The following ZIC4 variants were observed in gnomAD, a reference collection of about 807,000 sequenced individuals.
The protein encoded by ZIC4 is Zic family zinc finger 4.
Under a neutral mutation model 28.8 loss-of-function variants are expected in ZIC4, and 15 were observed. The ratio of observed to expected loss-of-function variants is 0.52; its 90% confidence interval spans 0.35 to 0.80. The LOEUF is 0.80. Among genes scored for constraint, ZIC4 ranks in the 30% least tolerant of loss-of-function variants. The probability of loss-of-function intolerance (pLI) is 0.01; values close to 1 mark genes in which losing one functional copy is unlikely to be tolerated. For synonymous variants in ZIC4, 220 were observed against 198.1 expected (o/e 1.11, Z -0.93); for missense variants, 512 against 467.1 (o/e 1.10, Z -0.89).
intron 1 of ZIC4, chr3:147,405,816 TTGC>T: frequency 5.6e-6 from 2 of 356,954 alleles, no homozygotes; most frequent in Non-Finnish European, 1.0e-5. Flanking sequence ...TTCCATCGTC[TTGC>T]TGCCATCTGG....
At chr3:147,394,135 TCTCTCTCA>T (rs966938291) in intron 3 of ZIC4, among the ~76,000 whole-genome samples, 1 of 151,980 alleles carries the variant, frequency 6.6e-6, no homozygotes, top group African/African-American at 2.4e-5. Flanking sequence ...TCTCTCTCTC[TCTCTCTCA>T]CTCTCTCTCT....
At chr3:147,399,024 C>T (rs1369350711) in intron 2 of ZIC4, among the ~76,000 whole-genome samples, 1 of 151,948 alleles carries the variant, frequency 6.6e-6, no homozygotes, top group South Asian at 2.1e-4. Flanking sequence ...TAGACACGTC[C>T]AGGTCTTTCT....
intron 4 of ZIC4, chr3:147,389,443 C>A (rs911538032): frequency 6.6e-6 from 1 of 152,458 alleles, no homozygotes; most frequent in African/African-American, 2.4e-5. Context: ...AACCTACCTC[C>A]CTCCCCAATA....
chr3:147,392,151 C>A lies in ZIC4; in HGVS notation c.689-905G>T, dbSNP rs1037090726. On this transcript the variant is annotated intron_variant, in intron 3 of 4. Coordinates refer to ENST00000383075, the MANE Select transcript of ZIC4 (RefSeq NM_032153.6). ...GCTGTCGGGCCTCTCGGTCCTAAGACGAGGGGTTGGCGCGGTAGGGTCCGC... is the reference window on the plus strand; with the variant it reads ...GCTGTCGGGCCTCTCGGTCCTAAGAAGAGGGGTTGGCGCGGTAGGGTCCGC... 5.1e-6 allele frequency: 5 copies of A among 985,486 alleles called. No individual in the cohort carries two copies. The African/African-American group carries it at 7.0e-5, about 14-fold the overall frequency. 61.0% of individuals were successfully genotyped at this position (985,486 alleles called of 1,614,324 possible). A position where few individuals can be genotyped will look rare whatever the true frequency, so the allele number is the denominator to read the frequency against.
At position 147,386,844 on chromosome 3, in the gene ZIC4, A is replaced by ATTAAC. The variant is rs1353693347; in HGVS notation, c.*2010_*2014dup. The ATTAAC allele has an allele frequency of 1.3e-5, 2 of 152,256 alleles. No individual in the cohort carries two copies. The highest frequency in any genetic ancestry group is 2.4e-5 in the African/African-American group (1 of 41,466). 9.4% of individuals were successfully genotyped at this position (152,256 alleles called of 1,614,324 possible). ...CTCTCCTTCAGCTATTCTCCTTCTT[A>ATTAAC]TTAACGGCAGAAAGGGCTTGTTGAT... is the stretch of plus-strand genomic sequence containing the variant. On this transcript the variant is annotated 3_prime_UTR_variant, in exon 5 of 5. Transcript: ENST00000383075.
chr3:147,392,364 C>A (rs1412467847), intron 3 of ZIC4: 2 of 985,370 alleles, frequency 2.0e-6, no homozygotes, highest in Non-Finnish European at 2.4e-6. Context: ...CGAGGGAAGG[C>A]GCGAGTGCAC....
chr3:147,403,875 A>G lies in ZIC4; in HGVS notation c.-15-1063T>C, dbSNP rs980839016. ...CTCTCTCTCTCCCCCTCAACGTCCA[A>G]CCAGAATTCCAACTGGCTTGGCGGC... On this transcript the variant is annotated intron_variant, in intron 1 of 4. Transcript: ENST00000383075. The G allele has an allele frequency of 9.2e-6, 12 of 1,311,400 alleles. No homozygotes were observed. In the South Asian group the frequency reaches 1.1e-4, roughly 12 times the overall value. 81.2% of individuals were successfully genotyped at this position (1,311,400 alleles called of 1,614,324 possible).
chr3:147,390,990 G>C lies in ZIC4; in HGVS notation c.945C>G (p.His315Gln). 6.2e-7 allele frequency: 1 copy of C among 1,613,236 alleles called. No homozygotes were observed. The highest frequency in any genetic ancestry group is 2.2e-5 in the East Asian group (1 of 44,862). The change falls in exon 4 of 5, where the codon CAC becomes CAG. Residue 315 changes from histidine to glutamine, a missense_variant. Physicochemically the swap from His to Gln is conservative, Grantham distance 24. Coordinates refer to ENST00000383075, the MANE Select transcript of ZIC4 (RefSeq NM_032153.6). The part of the protein sequence containing the change: ...ALVSPSSDCG[H>Q]KSQVASSAAV... Reference sequence around the variant, plus strand: ...CCGCCGAGGAGGCCACCTGGGACTTGTGGCCGCAGTCCGACGAGGGCGACA... The same window carrying C: ...CCGCCGAGGAGGCCACCTGGGACTTCTGGCCGCAGTCCGACGAGGGCGACA...
At chr3:147,402,086 A>G (rs577267979) in intron 2 of ZIC4, among the ~76,000 whole-genome samples, 1 of 152,342 alleles carries the variant, frequency 6.6e-6, no homozygotes, top group South Asian at 2.1e-4. Flanking sequence ...TATAGTTGAA[A>G]TGAGGAAAAC....
At position 147,392,837 on chromosome 3, in the gene ZIC4, C is replaced by G. The variant is rs552761404; in HGVS notation, c.689-1591G>C. On this transcript the variant is annotated intron_variant, in intron 3 of 4. Coordinates refer to ENST00000383075, the MANE Select transcript of ZIC4 (RefSeq NM_032153.6). ...GGATTCCCACCCTACAGGAGCACAG[C>G]TAGTACACTGAACAGTCTGGAAGGT... is the stretch of plus-strand genomic sequence containing the variant. The G allele has an allele frequency of 8.9e-4, 135 of 152,324 alleles. 2 individuals carry two copies. Among genetic ancestry groups the G allele is most frequent in the African/African-American group, 3.1e-3 (127 of 41,576 alleles). The allele number at this position is 152,324 out of a possible 1,614,324, so 9.4% of individuals were successfully genotyped here.
Position 147,388,767 on chromosome 3 carries a change from C to G in ZIC4, c.*92G>C. ...GATGCACCGTGGCGAAGAAACACTG[C>G]TTTGTGCGCGGGCCCTTTGATGTAG... is the stretch of plus-strand genomic sequence containing the variant. On this transcript the variant is annotated 3_prime_UTR_variant, in exon 5 of 5. Coordinates refer to ENST00000383075, the MANE Select transcript of ZIC4 (RefSeq NM_032153.6). 1 of 745,972 alleles carries G rather than the reference C, an allele frequency of 1.3e-6. No individual in the cohort carries two copies. The highest frequency in any genetic ancestry group is 2.5e-6 in the Non-Finnish European group (1 of 404,676). The allele number at this position is 745,972 out of a possible 1,614,324, so 46.2% of individuals were successfully genotyped here.
chr3:147,402,635 A>C (rs1377714141), intron 2 of ZIC4, 93 bp downstream of exon 2: 2 of 1,216,186 alleles, frequency 1.6e-6, no homozygotes, highest in Non-Finnish European at 2.3e-6. Context: ...CATAAACAAA[A>C]GACAAAACAA....
intron 3 of ZIC4, chr3:147,391,843 G>T (rs545334995): frequency 4.5e-6 from 2 of 440,732 alleles, no homozygotes; most frequent in African/African-American, 2.1e-5. Flanking sequence ...AAGTGGATTC[G>T]TGCTGCAGGG....
In ZIC4 at chr3:147,396,865, G is replaced by T. The variant is rs1206449006; in HGVS notation, c.71-396C>A. 4 of 174,108 alleles carry T rather than the reference G, an allele frequency of 2.3e-5. No individual in the cohort carries two copies. The highest frequency in any genetic ancestry group is 9.5e-5 in the African/African-American group (4 of 42,268). 10.8% of individuals were successfully genotyped at this position (174,108 alleles called of 1,614,324 possible). On this transcript the variant is annotated intron_variant, in intron 2 of 4. Coordinates refer to ENST00000383075, the MANE Select transcript of ZIC4 (RefSeq NM_032153.6). The surrounding 1 kb of genome is among the most constrained non-coding windows in gnomAD (Gnocchi z 4.2). ...TCTCCGGGGCACGATGCCCTGCGGG[G>T]AGTGGAGGTGACAGAAATGATGATG...
At chr3:147,393,834 G>A in intron 3 of ZIC4, 1 of 455,192 alleles carries the variant, frequency 2.2e-6, no homozygotes, top group Middle Eastern at 3.4e-4. Context: ...GCGGTTGCTG[G>A]CCCGCGCCTC....
chr3:147,388,481 C>T lies in ZIC4; in HGVS notation c.*378G>A, dbSNP rs369598087. 1.1e-5 allele frequency: 3 copies of T among 265,132 alleles called. No homozygotes were observed. In the East Asian group the frequency reaches 2.0e-4, roughly 18 times the overall value. The allele number at this position is 265,132 out of a possible 1,614,324, so 16.4% of individuals were successfully genotyped here. On this transcript the variant is annotated 3_prime_UTR_variant, in exon 5 of 5. Transcript: ENST00000383075. ...GGGCTGAGCGGCGATTCAAGCGGCT[C>T]TTTTCTTCCTTCACATTATTATCCA...
Position 147,392,122 on chromosome 3 carries a change from C to A in ZIC4, c.689-876G>T, listed in dbSNP as rs922372533. On this transcript the variant is annotated intron_variant, in intron 3 of 4. Transcript: ENST00000383075. The stretch of plus-strand genomic sequence containing the variant: ...GACCGGTCTGCCCAGACCACCCCCA[C>A]CTGGCTGTCGGGCCTCTCGGTCCTA... 3 of 985,554 alleles carry A rather than the reference C, an allele frequency of 3.0e-6. No homozygotes were observed. In the African/African-American group the frequency reaches 5.2e-5, roughly 17 times the overall value. The allele number at this position is 985,554 out of a possible 1,614,324, so 61.1% of individuals were successfully genotyped here. A position where few individuals can be genotyped will look rare whatever the true frequency, so the allele number is the denominator to read the frequency against.
chr3:147,400,844 T>C (rs2087151008), intron 2 of ZIC4, among the ~76,000 whole-genome samples: 1 of 151,106 alleles, frequency 6.6e-6, no homozygotes, highest in East Asian at 1.9e-4. Context: ...GAATGGTGTC[T>C]CCTCAGTGCT....
chr3:147,389,526 T>C (rs935870828), intron 4 of ZIC4, among the ~76,000 whole-genome samples: 1 of 152,194 alleles, frequency 6.6e-6, no homozygotes, highest in Non-Finnish European at 1.5e-5. Flanking sequence ...TATTTTCCTT[T>C]ACTTCTTCAA....
Sources: allele counts gnomAD v4.1 joint callset (sites outside exome capture counted in the v4.1 genomes callset), GRCh38; gene constraint gnomAD v4.1.1; non-coding constraint Gnocchi (gnomAD v3.1); transcripts MANE v1.5; gene names NCBI Gene and HGNC (gene_info 2026-07-23, HGNC 2026-07-21).